WNT7A: variants seen among roughly 807,000 people sequenced by gnomAD.
The protein encoded by WNT7A is protein Wnt-7a.
A neutral mutation model predicts 28.2 loss-of-function variants in WNT7A; 16 were observed. That is an observed-to-expected ratio of 0.57 (90% CI 0.38 to 0.86). WNT7A has a LOEUF of 0.86. WNT7A is among the 40% of genes least tolerant of loss of function. The pLI is 0.00. For synonymous variants in WNT7A, 190 were observed against 195.9 expected (o/e 0.97, Z 0.25); for missense variants, 411 against 489.7 (o/e 0.84, Z 1.52).
In WNT7A at chr3:13,850,359, G is replaced by T. The variant is rs9858627; in HGVS notation, c.570+4173C>A. ...CTGGGCTCCGCCCCAGCTGCCAGGG[G>T]CTGGTCCCTGGTGTCCCCTGACTCA... On this transcript the variant is annotated intron_variant, in intron 3 of 3. Transcript: ENST00000285018. Among the ~76,000 whole-genome samples the T allele has an allele frequency of 9.8e-5, 15 of 152,322 alleles. No individual in the cohort carries two copies. The South Asian group carries it at 3.1e-3, about 32-fold the overall frequency.
chr3:13,830,820 C>T lies in WNT7A; in HGVS notation c.571-11397G>A, dbSNP rs1038222657. ...TTTAGGATTCCTTAAATCCTGCCCACATCCCTGTAGTCATCCTTTACCTAA... is the reference window on the plus strand; with the variant it reads ...TTTAGGATTCCTTAAATCCTGCCCATATCCCTGTAGTCATCCTTTACCTAA... On this transcript the variant is annotated intron_variant, in intron 3 of 3. Coordinates refer to ENST00000285018, the MANE Select transcript of WNT7A (RefSeq NM_004625.4). 2.6e-5 allele frequency among the ~76,000 whole-genome samples: 4 copies of T among 152,208 alleles called. No homozygotes were observed. In the East Asian group the frequency reaches 7.7e-4, roughly 29 times the overall value.
At chr3:13,857,046 G>C (rs1416077544) in intron 2 of WNT7A, among the ~76,000 whole-genome samples, 1 of 152,054 alleles carries the variant, frequency 6.6e-6, no homozygotes, top group African/African-American at 2.4e-5. Flanking sequence ...CCATCAGAGG[G>C]ACTAGCACAG....
In WNT7A at chr3:13,854,806, G is replaced by A. The variant is rs1217065722; in HGVS notation, c.299-3C>T. On this transcript the variant is annotated splice_region_variant and splice_polypyrimidine_tract_variant and intron_variant, in intron 2 of 3. Transcript: ENST00000285018. ...GGTGAACGCAGCCTCCCGGCTCCCT[G>A]CGAGGAGGAGAGAAGAGGAGACAAG... The A allele has an allele frequency of 6.2e-7, 1 of 1,611,782 alleles. No individual in the cohort carries two copies. The highest frequency in any genetic ancestry group is 1.3e-5 in the African/African-American group (1 of 74,920).
intron 3 of WNT7A, among the ~76,000 whole-genome samples, chr3:13,830,066 C>A (rs1431798984): frequency 6.6e-6 from 1 of 152,146 alleles, no homozygotes; most frequent in Non-Finnish European, 1.5e-5. Context: ...TCTCCCCTCA[C>A]ACAATGTGCT....
chr3:13,877,326 G>C (rs1194851798), intron 1 of WNT7A: 2 of 152,292 alleles, frequency 1.3e-5, no homozygotes, highest in African/African-American at 4.8e-5. Flanking sequence ...GCAGGTGTTG[G>C]AGGTGGGACA....
At chr3:13,837,380 C>T (rs544809741) in intron 3 of WNT7A, among the ~76,000 whole-genome samples, 1 of 151,464 alleles carries the variant, frequency 6.6e-6, no homozygotes, top group Admixed American at 6.6e-5. Context: ...TGTCTCACAT[C>T]CCCCCGGCCA....
At chr3:13,826,463 A>G (rs1295571298) in intron 3 of WNT7A, among the ~76,000 whole-genome samples, 1 of 152,162 alleles carries the variant, frequency 6.6e-6, no homozygotes, top group Non-Finnish European at 1.5e-5. Context: ...TAGATGGGGA[A>G]AAGGCATTTC....
chr3:13,878,405 A>G (rs1695145316), intron 1 of WNT7A, among the ~76,000 whole-genome samples: 1 of 152,132 alleles, frequency 6.6e-6, no homozygotes, highest in African/African-American at 2.4e-5. Flanking sequence ...GGCCAAGATG[A>G]AGATTAAAGC....
chr3:13,857,362 G>T (rs1559303538), intron 2 of WNT7A, among the ~76,000 whole-genome samples: 1 of 152,156 alleles, frequency 6.6e-6, no homozygotes, highest in Admixed American at 6.5e-5. Context: ...TTGGTAAAGA[G>T]ATAGAGCCTC....
chr3:13,838,539 T>C (rs1694405509), intron 3 of WNT7A, among the ~76,000 whole-genome samples: 1 of 152,172 alleles, frequency 6.6e-6, no homozygotes, highest in Non-Finnish European at 1.5e-5. Context: ...GATTATGAAC[T>C]ACCTAAAAAA....
intron 2 of WNT7A, among the ~76,000 whole-genome samples, chr3:13,874,014 T>C (rs1456001882): frequency 6.6e-6 from 1 of 152,180 alleles, no homozygotes; most frequent in Admixed American, 6.5e-5. Context: ...TCCTGCCTGC[T>C]GGGTGCAGAA....
rs145540244 is a variant in WNT7A, at chr3:13,837,916, G to A, written c.570+16616C>T. Among the ~76,000 whole-genome samples, 13 of 152,286 alleles carry A rather than the reference G, an allele frequency of 8.5e-5. 1 individual carries two copies. The South Asian group carries it at 1.9e-3, about 22-fold the overall frequency. The stretch of plus-strand genomic sequence containing the variant: ...CTGGCCTCTCCCGACCTGTGTTGGC[G>A]TCCAGCGTGCAGGAGCTGGTGTCCA... On this transcript the variant is annotated intron_variant, in intron 3 of 3. Transcript: ENST00000285018.
chr3:13,879,774 TGAGA>T lies in WNT7A; in HGVS notation c.39_42del (p.Phe13LeufsTer17). On this transcript the variant is annotated frameshift_variant, in exon 1 of 4. Coordinates refer to ENST00000285018, the MANE Select transcript of WNT7A (RefSeq NM_004625.4). LOFTEE classifies it high-confidence loss of function. ...ATCCGGAGGTAGACCATGCCCAGGC[TGAGA>T]AAGAGGTGGCCCAGGCAGCGCCGCG... 1 of 1,612,200 alleles carries T rather than the reference TGAGA, an allele frequency of 6.2e-7. No homozygotes were observed. The highest frequency in any genetic ancestry group is 8.5e-7 in the Non-Finnish European group (1 of 1,178,914).
At chr3:13,868,720 GAA>G (rs1694962998) in intron 2 of WNT7A, among the ~76,000 whole-genome samples, 1 of 132,814 alleles carries the variant, frequency 7.5e-6, no homozygotes, top group Non-Finnish European at 1.6e-5. Flanking sequence ...AAGAAAGAAA[GAA>G]AGAAAGAAAG....
chr3:13,871,750 C>T (rs1202303449), intron 2 of WNT7A, among the ~76,000 whole-genome samples: 1 of 152,158 alleles, frequency 6.6e-6, no homozygotes, highest in Non-Finnish European at 1.5e-5. Flanking sequence ...CAGACCCCCA[C>T]TGCCACCCTA....
intron 3 of WNT7A, among the ~76,000 whole-genome samples, chr3:13,841,826 T>C (rs1694462178): frequency 6.6e-6 from 1 of 151,612 alleles, no homozygotes; most frequent in Non-Finnish European, 1.5e-5. Flanking sequence ...AAACAAAACG[T>C]GGAAGGGAAC....
intron 3 of WNT7A, among the ~76,000 whole-genome samples, chr3:13,837,935 G>C (rs1403902094): frequency 6.6e-6 from 1 of 152,192 alleles, no homozygotes; most frequent in African/African-American, 2.4e-5. Flanking sequence ...GCAGGAGCTG[G>C]TGTCCAAGAG....
At chr3:13,841,130 G>A (rs1694450451) in intron 3 of WNT7A, among the ~76,000 whole-genome samples, 1 of 152,216 alleles carries the variant, frequency 6.6e-6, no homozygotes. Context: ...TACACCAGGG[G>A]CTGGCCTCCT....
chr3:13,842,846 G>A lies in WNT7A; in HGVS notation c.570+11686C>T, dbSNP rs77229188. On this transcript the variant is annotated intron_variant, in intron 3 of 3. Transcript: ENST00000285018. ...AGCTGGATGCACAGGACTTGTGTTC[G>A]GGAGGCAGGTCTGGGCTGGAGACTG... Among the ~76,000 whole-genome samples the A allele has an allele frequency of 3.6e-3, 547 of 152,224 alleles. 4 individuals carry two copies. The highest frequency in any genetic ancestry group is 0.012 in the African/African-American group (510 of 41,524).
Sources: gnomAD v4.1 joint callset for allele counts (sites outside exome capture counted in the v4.1 genomes callset) on GRCh38, gnomAD v4.1.1 for gene constraint, MANE v1.5 for transcripts, NCBI Gene and HGNC (gene_info 2026-07-23, HGNC 2026-07-21) for gene names.